The following CADM2 variants were observed in gnomAD, a reference collection of about 807,000 sequenced individuals.
The protein encoded by CADM2 is cell adhesion molecule 2.
A neutral mutation model predicts 49.8 loss-of-function variants in CADM2; 12 were observed. The ratio of observed to expected loss-of-function variants is 0.24; its 90% CI spans 0.15 to 0.39. CADM2 has a LOEUF of 0.39. Among genes scored for constraint, CADM2 ranks in the 10% least tolerant of loss-of-function variants. CADM2 has a pLI of 1.00. For synonymous variants in CADM2, 214 were observed against 175.4 expected (o/e 1.22, Z -1.74); for missense variants, 378 against 492.3 (o/e 0.77, Z 2.20).
At chr3:85,190,768 T>G (rs185002665) in intron 1 of CADM2, among the ~76,000 whole-genome samples, 2 of 152,298 alleles carry the variant, frequency 1.3e-5, no homozygotes, top group East Asian at 3.9e-4. Flanking sequence ...ACTTGTAGAA[T>G]GTAGTGATTA....
chr3:84,964,988 T>C (rs1354271795), intron 1 of CADM2, among the ~76,000 whole-genome samples: 1 of 152,196 alleles, frequency 6.6e-6, no homozygotes, highest in Non-Finnish European at 1.5e-5. Flanking sequence ...TTTAAGTGAA[T>C]TCAATCTGAT....
chr3:85,486,273 A>G (rs990515740), intron 1 of CADM2, among the ~76,000 whole-genome samples: 2 of 151,708 alleles, frequency 1.3e-5, no homozygotes, highest in Non-Finnish European at 2.9e-5. Context: ...TTATATTGCA[A>G]AGGTATACAT....
intron 1 of CADM2, among the ~76,000 whole-genome samples, chr3:85,703,353 T>A (rs888584951): frequency 6.6e-6 from 1 of 152,124 alleles, no homozygotes; most frequent in Non-Finnish European, 1.5e-5. Context: ...TAGTATTCTT[T>A]TAATGAGGTC....
At chr3:85,066,356 G>C (rs1338158649) in intron 1 of CADM2, among the ~76,000 whole-genome samples, 1 of 149,584 alleles carries the variant, frequency 6.7e-6, no homozygotes, top group Non-Finnish European at 1.5e-5. Flanking sequence ...TCCCCAACTA[G>C]GGGTAAAATG....
intron 1 of CADM2, among the ~76,000 whole-genome samples, chr3:85,233,489 T>G (rs1049895799): frequency 6.6e-6 from 1 of 152,236 alleles, no homozygotes; most frequent in South Asian, 2.1e-4. Context: ...GTGGATTATA[T>G]GAAACATCTC....
At chr3:85,288,791 C>CCG (rs1553704684) in intron 1 of CADM2, among the ~76,000 whole-genome samples, 1 of 133,950 alleles carries the variant, frequency 7.5e-6, no homozygotes, top group Non-Finnish European at 1.7e-5. Flanking sequence ...TATGCCCCCC[C>CCG]CCCCTCTTTT....
At chr3:85,945,378 A>T (rs1246772163) in intron 7 of CADM2, among the ~76,000 whole-genome samples, 1 of 152,166 alleles carries the variant, frequency 6.6e-6, no homozygotes, top group East Asian at 1.9e-4. Flanking sequence ...ATTCCTTCTG[A>T]AACTATTCCA....
intron 8 of CADM2, among the ~76,000 whole-genome samples, chr3:86,028,664 CTG>C (rs1734210764): frequency 6.6e-6 from 1 of 152,094 alleles, no homozygotes; most frequent in African/African-American, 2.4e-5. Context: ...ACTTTCAAGT[CTG>C]TTAAACAGAT....
intron 1 of CADM2, among the ~76,000 whole-genome samples, chr3:85,571,725 A>G (rs903990002): frequency 2.6e-5 from 4 of 152,136 alleles, no homozygotes; most frequent in Admixed American, 2.6e-4. Flanking sequence ...TAACTTTTAT[A>G]TCTAGTTGTT....
chr3:85,295,785 G>T (rs76813416), intron 1 of CADM2, among the ~76,000 whole-genome samples: 1 of 151,998 alleles, frequency 6.6e-6, no homozygotes. Context: ...TGTGGGGTTG[G>T]GGGAGAGGGG....
intron 1 of CADM2, among the ~76,000 whole-genome samples, chr3:85,706,627 A>G (rs917328639): frequency 1.3e-5 from 2 of 152,234 alleles, no homozygotes; most frequent in African/African-American, 4.8e-5. Flanking sequence ...ATGTGAATGC[A>G]TCTGCCTCAG....
intron 1 of CADM2, among the ~76,000 whole-genome samples, chr3:85,436,561 C>T (rs1160130195): frequency 6.6e-6 from 1 of 152,000 alleles, no homozygotes; most frequent in African/African-American, 2.4e-5. Flanking sequence ...TTATAAATAG[C>T]TCTTATTATT....
At chr3:85,360,235 T>G (rs1299421722) in intron 1 of CADM2, among the ~76,000 whole-genome samples, 1 of 152,148 alleles carries the variant, frequency 6.6e-6, no homozygotes, top group Non-Finnish European at 1.5e-5. Context: ...TATATGTATT[T>G]CTCACAAAGC....
At chr3:85,127,305 A>G (rs966327309) in intron 1 of CADM2, among the ~76,000 whole-genome samples, 2 of 152,228 alleles carry the variant, frequency 1.3e-5, no homozygotes, top group African/African-American at 4.8e-5. Context: ...TTTTTAGAAA[A>G]TAGAAACAAA....
chr3:85,942,531 G>T (rs553417763), intron 7 of CADM2, among the ~76,000 whole-genome samples: 37 of 132,590 alleles, frequency 2.8e-4, no homozygotes, highest in South Asian at 4.7e-4. Flanking sequence ...TCCCCTTCCT[G>T]TGTCCATGTG....
At chr3:85,663,360 G>A (rs9835176) in intron 1 of CADM2, among the ~76,000 whole-genome samples, 5 of 151,636 alleles carry the variant, frequency 3.3e-5, no homozygotes, top group Admixed American at 1.3e-4. Context: ...CCCACTCAGC[G>A]CTTTTTTTCA....
chr3:85,197,850 G>A (rs1378831763), intron 1 of CADM2, among the ~76,000 whole-genome samples: 1 of 151,864 alleles, frequency 6.6e-6, no homozygotes, highest in African/African-American at 2.4e-5. Context: ...CTTGTCCAGG[G>A]AATGGTTTGT....
At chr3:85,277,065 T>A (rs1276251251) in intron 1 of CADM2, among the ~76,000 whole-genome samples, 1 of 151,370 alleles carries the variant, frequency 6.6e-6, no homozygotes, top group East Asian at 1.9e-4. Flanking sequence ...AGAAAAATGA[T>A]AGAACATTGT....
intron 1 of CADM2, among the ~76,000 whole-genome samples, chr3:85,603,681 G>T (rs2063478746): frequency 6.6e-6 from 1 of 151,778 alleles, no homozygotes; most frequent in African/African-American, 2.4e-5. Context: ...CTCTGTACTT[G>T]GTAGAGATCT....
Sources: gnomAD v4.1 joint callset for allele counts (sites outside exome capture counted in the v4.1 genomes callset) on GRCh38, gnomAD v4.1.1 for gene constraint, MANE v1.5 for transcripts, NCBI Gene and HGNC (gene_info 2026-07-23, HGNC 2026-07-21) for gene names.